Variants in HECW1 observed in about 807,000 individuals in gnomAD.
HECW1 encodes E3 ubiquitin-protein ligase HECW1.
Under a neutral mutation model 182.3 loss-of-function variants are expected in HECW1, and 61 were observed. That is an observed-to-expected ratio of 0.33 (90% CI 0.27 to 0.41). HECW1 has a LOEUF of 0.41. Among genes scored for constraint, HECW1 ranks in the 10% least tolerant of loss-of-function variants. HECW1 has a pLI of 1.00. For synonymous variants in HECW1, 859 were observed against 832.6 expected, an observed-to-expected ratio of 1.03 and a Z score of -0.55; for missense variants, 1,739 against 2,108.9, an observed-to-expected ratio of 0.82 and a Z score of 3.44.
chr7:43,260,983 CCA>C (rs1801109147), intron 3 of HECW1, among the ~76,000 whole-genome samples: 1 of 152,088 alleles, frequency 6.6e-6, no homozygotes, highest in Admixed American at 6.5e-5. Context: ...AATTTTTGCC[CCA>C]GTTTTACAGA....
rs995471427 is a variant in HECW1, at chr7:43,311,843, G to A, written c.108G>A (p.Lys36=). 8.7e-6 allele frequency: 14 copies of A among 1,614,052 alleles called. No individual in the cohort carries two copies. Among genetic ancestry groups the A allele is most frequent in the Non-Finnish European group, 1.2e-5 (14 of 1,180,012 alleles). ...SRNSQSRRRC[K]EPLRYSYNPD... ...ACTCCCAGAGCCGACGCCGGTGCAA[G>A]GAGCCGCTCCGATACAGCTACAACC... Residue 36 remains lysine (K), a synonymous_variant, in exon 4 of 30, where the codon AAG becomes AAA. Transcript: ENST00000395891.
At chr7:43,427,114 C>A (rs1293232551) in intron 8 of HECW1, among the ~76,000 whole-genome samples, 1 of 152,154 alleles carries the variant, frequency 6.6e-6, no homozygotes, top group Non-Finnish European at 1.5e-5. Context: ...TTACTTCACT[C>A]TCAAATGAGA....
intron 3 of HECW1, among the ~76,000 whole-genome samples, chr7:43,310,903 C>T (rs542560902): frequency 1.3e-4 from 20 of 152,194 alleles, no homozygotes; most frequent in East Asian, 7.7e-4. Context: ...TTCATTTAAA[C>T]GCAATTTTAA....
chr7:43,471,812 G>A (rs1427962722), intron 16 of HECW1, among the ~76,000 whole-genome samples: 1 of 152,208 alleles, frequency 6.6e-6, no homozygotes, highest in Non-Finnish European at 1.5e-5. Context: ...AATAAAATGA[G>A]AAGGGGCCTA....
intron 6 of HECW1, among the ~76,000 whole-genome samples, chr7:43,381,134 G>A (rs1212122545): frequency 1.3e-5 from 2 of 152,100 alleles, no homozygotes; most frequent in East Asian, 3.9e-4. Context: ...ATTGGCCATT[G>A]GATTCCTGCT....
At chr7:43,347,255 T>G (rs1045561969) in intron 5 of HECW1, among the ~76,000 whole-genome samples, 4 of 87,428 alleles carry the variant, frequency 4.6e-5, no homozygotes, top group Non-Finnish European at 9.4e-5. Flanking sequence ...TTTTAAAATT[T>G]AATTTAATTT....
intron 2 of HECW1, among the ~76,000 whole-genome samples, chr7:43,221,160 T>A (rs1230049652): frequency 2.0e-5 from 3 of 152,176 alleles, no homozygotes; most frequent in Non-Finnish European, 4.4e-5. Flanking sequence ...TATCAGTTAG[T>A]AGGGTTAATT....
At chr7:43,332,224 C>T (rs1242741280) in intron 5 of HECW1, among the ~76,000 whole-genome samples, 3 of 152,140 alleles carry the variant, frequency 2.0e-5, no homozygotes, top group Non-Finnish European at 1.5e-5. Flanking sequence ...TAAAAAGCTT[C>T]TCCTCTTCCT....
Position 43,393,186 on chromosome 7 carries a change from G to T in HECW1, c.556-3628G>T, listed in dbSNP as rs964539021. 9.2e-5 allele frequency among the ~76,000 whole-genome samples: 14 copies of T among 152,222 alleles called. 1 individual carries two copies. Among genetic ancestry groups the T allele is most frequent in the East Asian group, 7.7e-4 (4 of 5,168 alleles). ...ACTGCCAGAGCTTCAACAGAGAGAGGGGGGGCAACAGGACCCAGCACCAAG... is the reference window on the plus strand; with the variant it reads ...ACTGCCAGAGCTTCAACAGAGAGAGTGGGGGCAACAGGACCCAGCACCAAG... On this transcript the variant is annotated intron_variant, in intron 6 of 29. Coordinates refer to ENST00000395891, the MANE Select transcript of HECW1 (RefSeq NM_015052.5).
intron 3 of HECW1, among the ~76,000 whole-genome samples, chr7:43,247,980 A>C: frequency 7.1e-6 from 1 of 141,372 alleles, no homozygotes. Flanking sequence ...AAAGGAAAGA[A>C]GGAAGGAAGA....
chr7:43,269,923 G>A (rs76707085), intron 3 of HECW1, among the ~76,000 whole-genome samples: 1 of 152,156 alleles, frequency 6.6e-6, no homozygotes, highest in Non-Finnish European at 1.5e-5. Context: ...CCATAACAAA[G>A]AATTATCTGG....
At chr7:43,440,422 C>G (rs1319737671) in intron 9 of HECW1, 1 of 152,294 alleles carries the variant, frequency 6.6e-6, no homozygotes, top group African/African-American at 2.4e-5. Context: ...ACCATCTCAC[C>G]TTCGCATTGA....
At chr7:43,281,713 CTTTTT>C (rs55860415) in intron 3 of HECW1, among the ~76,000 whole-genome samples, 2 of 77,346 alleles carry the variant, frequency 2.6e-5, no homozygotes, top group African/African-American at 1.0e-4. Flanking sequence ...TCTTTGCTTT[CTTTTT>C]TTTTTTTTTT....
intron 26 of HECW1, among the ~76,000 whole-genome samples, chr7:43,542,378 C>G (rs2081395591): frequency 6.6e-6 from 1 of 151,750 alleles, no homozygotes; most frequent in African/African-American, 2.4e-5. Flanking sequence ...ATTTACTTCC[C>G]TTTTAAGACT....
intron 7 of HECW1, among the ~76,000 whole-genome samples, chr7:43,401,586 TC>T (rs1203244224): frequency 6.9e-5 from 10 of 143,904 alleles, no homozygotes; most frequent in East Asian, 2.0e-4. Context: ...TTTTTTTTTT[TC>T]CCCCAAATAT....
intron 2 of HECW1, among the ~76,000 whole-genome samples, chr7:43,151,702 A>G (rs1789346861): frequency 6.6e-6 from 1 of 152,214 alleles, no homozygotes; most frequent in East Asian, 1.9e-4. Flanking sequence ...TTTTCACAGA[A>G]CATAGAATGA....
chr7:43,318,972 C>T (rs528633613), intron 4 of HECW1, among the ~76,000 whole-genome samples: 127 of 152,376 alleles, frequency 8.3e-4, no homozygotes, highest in Admixed American at 1.8e-3. Flanking sequence ...GTGAAAGCCA[C>T]ATCCCTGTCT....
chr7:43,281,713 C>CT lies in HECW1; in HGVS notation c.28-30024dup, dbSNP rs55860415. Among the ~76,000 whole-genome samples the CT allele has an allele frequency of 8.7e-3, 670 of 77,358 alleles. 31 individuals are homozygous for CT. Among genetic ancestry groups the CT allele is most frequent in the Middle Eastern group, 0.027 (3 of 112 alleles). The allele number at this position is 77,358 out of a possible 152,430, so 50.7% of individuals were successfully genotyped here. On this transcript the variant is annotated intron_variant, in intron 3 of 29. Coordinates refer to ENST00000395891, the MANE Select transcript of HECW1 (RefSeq NM_015052.5). Reference sequence around the variant, plus strand: ...TTTTTCTGTTCTCTTTCTTTGCTTTCTTTTTTTTTTTTTTTTTTTTTTTTT... The same window carrying CT: ...TTTTTCTGTTCTCTTTCTTTGCTTTCTTTTTTTTTTTTTTTTTTTTTTTTTT...
chr7:43,177,047 C>T (rs1199621438), intron 2 of HECW1, among the ~76,000 whole-genome samples: 1 of 152,204 alleles, frequency 6.6e-6, no homozygotes, highest in Non-Finnish European at 1.5e-5. Context: ...TTGAGAACTA[C>T]TCCTCTAGAG....
Sources: gnomAD v4.1 joint callset for allele counts (sites outside exome capture counted in the v4.1 genomes callset) on GRCh38, gnomAD v4.1.1 for gene constraint, MANE v1.5 for transcripts, NCBI Gene and HGNC (gene_info 2026-07-23, HGNC 2026-07-21) for gene names.